Variants in NAV3 observed in about 807,000 individuals in gnomAD.
NAV3 encodes the protein neuron navigator 3, also known as pore membrane and/or filament interacting like protein 1.
Under a neutral mutation model 244.7 loss-of-function variants are expected in NAV3, and 87 were observed. The observed-to-expected ratio is 0.36, with a 90% CI of 0.30 to 0.42. The LOEUF is 0.42. NAV3 is among the 20% of genes least tolerant of loss of function. NAV3 has a pLI of 1.00. For missense variants in NAV3, 2,663 were observed against 2,893.3 expected, an observed-to-expected ratio of 0.92 and a Z score of 1.83; for synonymous variants, 1,126 against 1,042.2, an observed-to-expected ratio of 1.08 and a Z score of -1.55.
chr12:78,022,302 G>T (rs1877289955), intron 9 of NAV3, among the ~76,000 whole-genome samples: 1 of 152,014 alleles, frequency 6.6e-6, no homozygotes, highest in Non-Finnish European at 1.5e-5. Flanking sequence ...ATTATATATA[G>T]ATGATGTAAG....
chr12:77,741,410 T>C (rs1354384280), intron 2 of NAV3, among the ~76,000 whole-genome samples: 1 of 152,076 alleles, frequency 6.6e-6, no homozygotes, highest in Non-Finnish European at 1.5e-5. Context: ...CACACACATA[T>C]ACTGGTCACA....
intron 1 of NAV3, among the ~76,000 whole-genome samples, chr12:77,832,486 AGGTGTATATATTTATGGGTACATATT>A (rs939153997): frequency 2.0e-5 from 3 of 152,172 alleles, no homozygotes; most frequent in African/African-American, 7.2e-5. Flanking sequence ...GGTACATATT[AGGTGTATATATTTATGGGTACATATT>A]GGTGTATATA....
At chr12:77,995,274 G>GCAGAT (rs928883365) in intron 6 of NAV3, among the ~76,000 whole-genome samples, 1 of 152,082 alleles carries the variant, frequency 6.6e-6, no homozygotes, top group Admixed American at 6.5e-5. Flanking sequence ...AAAAACATTG[G>GCAGAT]CAGATTTTAG....
At chr12:78,162,852 ACT>A (rs1407603862) in intron 23 of NAV3, among the ~76,000 whole-genome samples, 1 of 125,474 alleles carries the variant, frequency 8.0e-6, no homozygotes, top group African/African-American at 3.0e-5. Context: ...ACAGAGCAAG[ACT>A]CTGTCTCAAA....
chr12:78,156,710 A>G (rs1957318422), intron 22 of NAV3, among the ~76,000 whole-genome samples: 1 of 152,088 alleles, frequency 6.6e-6, no homozygotes, highest in Non-Finnish European at 1.5e-5. Context: ...TTCTGCCATA[A>G]TTTTCCTTAT....
intron 2 of NAV3, among the ~76,000 whole-genome samples, chr12:77,630,924 G>A (rs1221705852): frequency 1.3e-5 from 2 of 152,194 alleles, no homozygotes; most frequent in East Asian, 1.9e-4. Flanking sequence ...CATACATTTG[G>A]TGATAATTAG....
At chr12:77,984,032 T>C (rs1024206642) in intron 5 of NAV3, among the ~76,000 whole-genome samples, 1 of 152,224 alleles carries the variant, frequency 6.6e-6, no homozygotes, top group African/African-American at 2.4e-5. Context: ...TTGAGATTTA[T>C]GTTTTGAAAG....
chr12:77,976,324 C>A (rs1403588607), intron 5 of NAV3, among the ~76,000 whole-genome samples: 1 of 152,028 alleles, frequency 6.6e-6, no homozygotes, highest in Non-Finnish European at 1.5e-5. Flanking sequence ...CAATAAAAAG[C>A]TATAAGGCTA....
At chr12:78,020,967 TG>T (rs1262686469) in intron 8 of NAV3, among the ~76,000 whole-genome samples, 1 of 152,120 alleles carries the variant, frequency 6.6e-6, no homozygotes, top group African/African-American at 2.4e-5. Flanking sequence ...ATTTAAAATG[TG>T]TGTTAGTTTG....
rs1324378901 is a variant in NAV3, at chr12:78,128,744, G to A, written c.4319G>A (p.Gly1440Asp). ...TCTCGGCAGGCCAACCAAGAAGAGG[G>A]CAAAGAGTGGTTGCGTTCTCATTCT... is the stretch of plus-strand genomic sequence containing the variant. ...PSSRQANQEEGKEWLRSHSTG... is the reference protein window; with the variant it reads ...PSSRQANQEEDKEWLRSHSTG... The change falls in exon 18 of 40, where the codon GGC (glycine) becomes GAC (aspartate). Residue 1440 changes from glycine to aspartate, a missense_variant. By Grantham distance (94) the Gly-to-Asp change is moderately conservative. Coordinates refer to ENST00000397909, the MANE Select transcript of NAV3 (RefSeq NM_001024383.2). 1 of 1,614,028 alleles carries A rather than the reference G, an allele frequency of 6.2e-7. No individual in the cohort carries two copies. The highest frequency in any genetic ancestry group is 1.7e-5 in the Admixed American group (1 of 60,006).
At chr12:77,796,984 A>G (rs973033201) in intron 2 of NAV3, among the ~76,000 whole-genome samples, 2 of 152,152 alleles carry the variant, frequency 1.3e-5, no homozygotes, top group Non-Finnish European at 2.9e-5. Context: ...CTTGAAATGA[A>G]TTCTCAAAAT....
intron 9 of NAV3, among the ~76,000 whole-genome samples, chr12:78,030,994 T>C (rs537915481): frequency 1.3e-5 from 2 of 152,320 alleles, no homozygotes; most frequent in African/African-American, 4.8e-5. Flanking sequence ...TTCAACACTA[T>C]TGTTATTGTT....
intron 12 of NAV3, among the ~76,000 whole-genome samples, chr12:78,063,215 A>G (rs573590387): frequency 2.0e-5 from 3 of 152,332 alleles, no homozygotes; most frequent in African/African-American, 7.2e-5. Context: ...TTTACTTTCC[A>G]TATCAATCCA....
chr12:78,008,692 T>C (rs1353272821), intron 8 of NAV3, among the ~76,000 whole-genome samples: 3 of 152,032 alleles, frequency 2.0e-5, no homozygotes, highest in Admixed American at 6.6e-5. Context: ...GCTTTTTTTC[T>C]GAGGTTTTTT....
At chr12:78,208,102 A>G (rs1960513686) in intron 39 of NAV3, among the ~76,000 whole-genome samples, 1 of 152,174 alleles carries the variant, frequency 6.6e-6, no homozygotes, top group Non-Finnish European at 1.5e-5. Context: ...GTGGTTGAAA[A>G]GTCTAGGATT....
At chr12:78,137,390 T>G in intron 19 of NAV3, 25 bp downstream of exon 19, 2 of 1,572,234 alleles carry the variant, frequency 1.3e-6, no homozygotes, top group Non-Finnish European at 1.7e-6. Flanking sequence ...GGATTAAAGA[T>G]GAAGTCACTT....
intron 1 of NAV3, among the ~76,000 whole-genome samples, chr12:77,892,875 A>G (rs891060353): frequency 9.2e-5 from 14 of 152,288 alleles, no homozygotes; most frequent in Non-Finnish European, 1.9e-4. Context: ...AAAGTGATAA[A>G]TTTATGTTGG....
At chr12:77,958,663 C>T (rs540645827) in intron 3 of NAV3, among the ~76,000 whole-genome samples, 1 of 152,218 alleles carries the variant, frequency 6.6e-6, no homozygotes, top group Admixed American at 6.5e-5. Context: ...AAAATAATGA[C>T]TAGATCTAGC....
In NAV3 at chr12:78,122,384, C is replaced by T. The variant is rs770132900; in HGVS notation, c.4194C>T (p.Ser1398=). Residue 1398 remains serine (S), a synonymous_variant, in exon 16 of 40, where the codon AGC becomes AGT. Transcript: ENST00000397909. ...GLTTGTHEVQ[S]LLMRTGSVRS... The stretch of plus-strand genomic sequence containing the variant: ...CCACAGGCACTCACGAGGTCCAGAG[C>T]CTGCTCATGAGAACGGGTAGTGTGA... The T allele has an allele frequency of 1.5e-5, 24 of 1,611,958 alleles. No homozygotes were observed. The highest frequency in any genetic ancestry group is 1.0e-4 in the Admixed American group (6 of 59,878).
Sources: allele counts gnomAD v4.1 joint callset (sites outside exome capture counted in the v4.1 genomes callset), GRCh38; gene constraint gnomAD v4.1.1; transcripts MANE v1.5; gene names NCBI Gene and HGNC (gene_info 2026-07-23, HGNC 2026-07-21).